ROBO2: variants seen among roughly 807,000 people sequenced by gnomAD.
ROBO2 encodes roundabout guidance receptor 2, also known as roundabout homolog 2.
Under a neutral mutation model 160.8 loss-of-function variants are expected in ROBO2, and 53 were observed. The observed-to-expected ratio is 0.33, with a 90% CI of 0.26 to 0.41. ROBO2 has a LOEUF of 0.41. Ranked by LOEUF, ROBO2 falls within the 10% of genes least tolerant of loss-of-function variation. The probability of loss-of-function intolerance (pLI) is 1.00; values close to 1 mark genes in which losing one functional copy is unlikely to be tolerated. For missense variants in ROBO2, 1,577 were observed against 1,722.4 expected (o/e 0.92, Z 1.49); for synonymous variants, 664 against 611.7 (o/e 1.09, Z -1.26).
At chr3:77,272,866 A>T (rs542843332) in intron 2 of ROBO2, among the ~76,000 whole-genome samples, 1 of 152,266 alleles carries the variant, frequency 6.6e-6, no homozygotes, top group African/African-American at 2.4e-5. Context: ...TTTTATAAAA[A>T]ATCTCTCTCT....
intron 2 of ROBO2, among the ~76,000 whole-genome samples, chr3:77,117,590 A>G (rs1487206581): frequency 6.6e-6 from 1 of 152,184 alleles, no homozygotes; most frequent in Admixed American, 6.5e-5. Flanking sequence ...AGTTCTACAT[A>G]AATTTAAGAA....
chr3:77,265,983 T>TG (rs1015539877), intron 2 of ROBO2, among the ~76,000 whole-genome samples: 63 of 152,128 alleles, frequency 4.1e-4, no homozygotes, highest in African/African-American at 1.4e-3. Flanking sequence ...CTCTTAATTT[T>TG]GGGGGGTGCA....
intron 21 of ROBO2, among the ~76,000 whole-genome samples, chr3:77,613,890 C>T (rs1040780942): frequency 2.0e-5 from 3 of 151,976 alleles, no homozygotes; most frequent in Non-Finnish European, 4.4e-5. Flanking sequence ...TCAAGGAAAC[C>T]TTCATACAAG....
intron 2 of ROBO2, among the ~76,000 whole-genome samples, chr3:77,363,629 G>A (rs2070382402): frequency 6.6e-6 from 1 of 152,158 alleles, no homozygotes; most frequent in Non-Finnish European, 1.5e-5. Context: ...GATATGATTT[G>A]CTGACAATAG....
At chr3:76,248,084 G>A (rs1007418315) in intron 2 of ROBO2, among the ~76,000 whole-genome samples, 5 of 151,800 alleles carry the variant, frequency 3.3e-5, no homozygotes, top group African/African-American at 7.3e-5. Flanking sequence ...TCAGTGTGGC[G>A]ATTCCTCAGG....
At chr3:77,012,040 T>C (rs1259357413) in intron 2 of ROBO2, among the ~76,000 whole-genome samples, 1 of 152,316 alleles carries the variant, frequency 6.6e-6, no homozygotes, top group Non-Finnish European at 1.5e-5. Context: ...TTTATTTTTA[T>C]ATTCAAATAG....
At chr3:77,505,187 C>G (rs542355609) in intron 5 of ROBO2, among the ~76,000 whole-genome samples, 2 of 152,122 alleles carry the variant, frequency 1.3e-5, no homozygotes, top group African/African-American at 4.8e-5. Context: ...AAAACTGATT[C>G]TTTCATGTAG....
chr3:77,578,577 A>G (rs2093829057), intron 15 of ROBO2, among the ~76,000 whole-genome samples: 1 of 152,116 alleles, frequency 6.6e-6, no homozygotes, highest in Non-Finnish European at 1.5e-5. Flanking sequence ...ATTTTATTAA[A>G]GAATAACTTG....
chr3:76,631,317 A>G (rs1226798492), intron 2 of ROBO2, among the ~76,000 whole-genome samples: 2 of 152,156 alleles, frequency 1.3e-5, no homozygotes, highest in African/African-American at 2.4e-5. Context: ...ATATTTTGGG[A>G]AAAAAATCTT....
chr3:77,306,199 T>C (rs1421161034), intron 2 of ROBO2, among the ~76,000 whole-genome samples: 1 of 152,162 alleles, frequency 6.6e-6, no homozygotes, highest in Non-Finnish European at 1.5e-5. Context: ...CATATTTATG[T>C]AAGTCTTGAA....
intron 2 of ROBO2, among the ~76,000 whole-genome samples, chr3:76,438,742 T>A (rs190708142): frequency 6.6e-6 from 1 of 152,132 alleles, no homozygotes; most frequent in Non-Finnish European, 1.5e-5. Context: ...TCATGGTTAA[T>A]GCAGAAACAT....
chr3:77,449,371 T>C (rs971940337), intron 2 of ROBO2, among the ~76,000 whole-genome samples: 1 of 152,130 alleles, frequency 6.6e-6, no homozygotes, highest in African/African-American at 2.4e-5. Flanking sequence ...AAGTGAATTT[T>C]AGGTTGTTAA....
intron 2 of ROBO2, among the ~76,000 whole-genome samples, chr3:77,228,543 G>C (rs182219806): frequency 6.6e-6 from 1 of 151,836 alleles, no homozygotes; most frequent in Admixed American, 6.6e-5. Flanking sequence ...AGAACATATG[G>C]GCAGAGGGAG....
At chr3:77,278,422 C>T (rs1485819901) in intron 2 of ROBO2, among the ~76,000 whole-genome samples, 2 of 151,958 alleles carry the variant, frequency 1.3e-5, no homozygotes, top group Non-Finnish European at 2.9e-5. Context: ...TACAGTGTTG[C>T]TAGAAAATAA....
intron 2 of ROBO2, among the ~76,000 whole-genome samples, chr3:77,335,818 G>A (rs1223684194): frequency 2.6e-5 from 4 of 152,196 alleles, no homozygotes; most frequent in South Asian, 2.1e-4. Flanking sequence ...TGATTTTAAA[G>A]AGCTGACACT....
At chr3:76,540,017 C>T (rs2082729533) in intron 2 of ROBO2, among the ~76,000 whole-genome samples, 1 of 152,088 alleles carries the variant, frequency 6.6e-6, no homozygotes. Flanking sequence ...CAGATATTTC[C>T]ATTTTAAAGG....
chr3:76,227,715 C>T (rs796782033), intron 2 of ROBO2, among the ~76,000 whole-genome samples: 35 of 152,140 alleles, frequency 2.3e-4, no homozygotes, highest in Non-Finnish European at 2.2e-4. Flanking sequence ...TTAAGACCAA[C>T]GGAGTCACCT....
chr3:77,487,732 A>C (rs1054481226), intron 4 of ROBO2, among the ~76,000 whole-genome samples: 1 of 152,210 alleles, frequency 6.6e-6, no homozygotes, highest in Non-Finnish European at 1.5e-5. Flanking sequence ...GTTTACAAGC[A>C]GTGGTTAACT....
At chr3:76,344,299 A>G (rs2074395759) in intron 2 of ROBO2, among the ~76,000 whole-genome samples, 1 of 152,180 alleles carries the variant, frequency 6.6e-6, no homozygotes, top group South Asian at 2.1e-4. Flanking sequence ...GCAAATATTT[A>G]TTAACACAAC....
Sources: gnomAD v4.1 joint callset for allele counts (sites outside exome capture counted in the v4.1 genomes callset) on GRCh38, gnomAD v4.1.1 for gene constraint, MANE v1.5 for transcripts, NCBI Gene and HGNC (gene_info 2026-07-23, HGNC 2026-07-21) for gene names.